The following CD72 variants were observed in gnomAD, a reference collection of about 807,000 sequenced individuals.
CD72 encodes the protein CD72 molecule.
CD72 carries 28 observed loss-of-function variants against 50.7 expected under a neutral mutation model. The observed-to-expected ratio is 0.55, with a 90% CI of 0.41 to 0.76. The LOEUF (loss-of-function observed/expected upper bound fraction) is 0.76. CD72 is among the 30% of genes least tolerant of loss of function. The pLI is 0.00. For missense variants in CD72, 403 were observed against 420.6 expected, an observed-to-expected ratio of 0.96 and a Z score of 0.37; for synonymous variants, 176 against 171.2, an observed-to-expected ratio of 1.03 and a Z score of -0.22.
chr9:35,621,501 T>A (rs1198161997), upstream of CD72, among the ~76,000 whole-genome samples: 1 of 152,248 alleles, frequency 6.6e-6, no homozygotes, highest in South Asian at 2.1e-4. Flanking sequence ...CCTAGTTTAC[T>A]GACAGGGTGT....
rs1414001477 is a variant in CD72, at chr9:35,612,923, AT to A, written c.758del (p.Asn253IlefsTer32). ...SCFYISLTSK[N>X]WQESQKQCET... is the part of the protein sequence containing the mutation. ...CACATTGTTTTTGGCTCTCCTGCCA[AT>A]TTTTTGAAGTAAGTGAGATGTAAAA... On this transcript the variant is annotated frameshift_variant, in exon 6 of 9. Transcript: ENST00000259633. LOFTEE classifies it high-confidence loss of function. 6.2e-7 allele frequency: 1 copy of A among 1,614,020 alleles called. No individual in the cohort carries two copies. Among genetic ancestry groups the A allele is most frequent in the Non-Finnish European group, 8.5e-7 (1 of 1,179,950 alleles).
In CD72 at chr9:35,610,662, A is replaced by G; in HGVS notation, c.1042T>C (p.Tyr348His). The G allele has an allele frequency of 1.2e-6, 2 of 1,613,938 alleles. No individual in the cohort carries two copies. Among genetic ancestry groups the G allele is most frequent in the African/African-American group, 2.7e-5 (2 of 75,058 alleles). ...CTGAAAGCTGTCATCTCACAGATGTAGGGAAGAGAACTTCTACATGACTCT... is the reference window on the plus strand; with the variant it reads ...CTGAAAGCTGTCATCTCACAGATGTGGGGAAGAGAACTTCTACATGACTCT... Reference protein sequence around the residue: ...ESESCRSSLPYICEMTAFRFP... With the variant: ...ESESCRSSLPHICEMTAFRFP... Residue 348 changes from tyrosine (Y) to histidine (H), a missense_variant, in exon 8 of 9, where the codon TAC (tyrosine) becomes CAC (histidine). Tyr to His is a moderately conservative substitution (Grantham distance 83). Coordinates refer to ENST00000259633, the MANE Select transcript of CD72 (RefSeq NM_001782.3).
chr9:35,630,036 C>CT (rs35481553), intron 1 of CD72, among the ~76,000 whole-genome samples: 60,124 of 128,566 alleles, frequency 0.47, 15,089 homozygotes, highest in African/African-American at 0.58. Flanking sequence ...AATTTCTTTT[C>CT]TTTTTTTTTT....
chr9:35,625,576 C>T (rs1823188643), intron 1 of CD72, among the ~76,000 whole-genome samples: 1 of 152,244 alleles, frequency 6.6e-6, no homozygotes, highest in South Asian at 2.1e-4. Context: ...CACTAAACAA[C>T]AGATTTTCAA....
chr9:35,610,915 A>G (rs4879913), intron 7 of CD72, among the ~76,000 whole-genome samples, 162 bp from the exon 8 acceptor site: 84,817 of 152,008 alleles, frequency 0.56, 23,861 homozygotes, highest in South Asian at 0.62. Context: ...ACTAAAACAG[A>G]CTTTAGAACC....
At chr9:35,645,464 C>T (rs555289568) in intron 1 of CD72, among the ~76,000 whole-genome samples, 1 of 151,994 alleles carries the variant, frequency 6.6e-6, no homozygotes, top group South Asian at 2.1e-4. Flanking sequence ...CACCTGTAGT[C>T]CCAGCTACTA....
intron 4 of CD72, 44 bp from the exon 5 acceptor site, chr9:35,616,322 C>A: frequency 2.0e-6 from 3 of 1,470,740 alleles, no homozygotes; most frequent in South Asian, 1.2e-5. Flanking sequence ...TCCAGCCCTG[C>A]CCTAGTGCCC....
intron 7 of CD72, 89 bp from the exon 8 acceptor site, chr9:35,610,842 T>C: frequency 1.9e-6 from 2 of 1,069,928 alleles, no homozygotes; most frequent in Non-Finnish European, 2.8e-6. Context: ...ACCTAAATCC[T>C]AACTCACCCT....
At chr9:35,633,189 G>A (rs538976336) in intron 1 of CD72, among the ~76,000 whole-genome samples, 16 of 149,996 alleles carry the variant, frequency 1.1e-4, no homozygotes, top group Admixed American at 2.7e-4. Flanking sequence ...TGATTCTCCC[G>A]CCTTGGCTTC....
In CD72 at chr9:35,618,336, C is replaced by G; in HGVS notation, c.-33G>C. 6.2e-7 allele frequency: 1 copy of G among 1,613,872 alleles called. No individual in the cohort carries two copies. The highest frequency in any genetic ancestry group is 8.5e-7 in the Non-Finnish European group (1 of 1,179,890). ...AGCAGCTCTGCCCCCACTCGTCTTC[C>G]CTGTCATCCACTGTCCTCCCTTGCC... On this transcript the variant is annotated 5_prime_UTR_variant, in exon 1 of 9. Transcript: ENST00000259633.
At chr9:35,617,956 A>G (rs1307466398) in intron 2 of CD72, 58 bp downstream of exon 2, 3 of 982,784 alleles carry the variant, frequency 3.1e-6, no homozygotes, top group Non-Finnish European at 5.0e-6. Flanking sequence ...AACATTGTGG[A>G]CTCCCCAGCT....
intron 7 of CD72, among the ~76,000 whole-genome samples, 167 bp from the exon 8 acceptor site, chr9:35,610,920 A>G (rs1822971146): frequency 6.6e-6 from 1 of 152,182 alleles, no homozygotes; most frequent in Non-Finnish European, 1.5e-5. Flanking sequence ...AACAGACTTT[A>G]GAACCAGCAG....
chr9:35,643,705 G>A (rs927727753), intron 1 of CD72, among the ~76,000 whole-genome samples: 2 of 152,162 alleles, frequency 1.3e-5, no homozygotes, highest in Non-Finnish European at 2.9e-5. Flanking sequence ...GGGCCGGGCT[G>A]GGTAACTCAC....
chr9:35,632,308 G>C (rs1041516619), intron 1 of CD72, among the ~76,000 whole-genome samples: 3 of 151,372 alleles, frequency 2.0e-5, no homozygotes, highest in Non-Finnish European at 4.4e-5. Flanking sequence ...CCGAGTAGCT[G>C]GGATTACAGG....
In CD72 at chr9:35,610,205, G is replaced by A. The variant is rs143862725; in HGVS notation, c.*118C>T. The A allele has an allele frequency of 3.8e-3, 744 of 195,974 alleles. 6 individuals carry two copies. Among genetic ancestry groups the A allele is most frequent in the African/African-American group, 0.016 (684 of 42,776 alleles). 12.1% of individuals were successfully genotyped at this position (195,974 alleles called of 1,614,324 possible). A position where few individuals can be genotyped will look rare whatever the true frequency, so the allele number is the denominator to read the frequency against. ...TGGAAGTGTCAGGTGTGGGTCAGCCGGTGGCTGGGCACTGCCCAGAATGAA... is the reference window on the plus strand; with the variant it reads ...TGGAAGTGTCAGGTGTGGGTCAGCCAGTGGCTGGGCACTGCCCAGAATGAA... On this transcript the variant is annotated 3_prime_UTR_variant, in exon 9 of 9. Coordinates refer to ENST00000259633, the MANE Select transcript of CD72 (RefSeq NM_001782.3).
At chr9:35,625,322 A>T (rs1050691109) in intron 1 of CD72, among the ~76,000 whole-genome samples, 6 of 152,232 alleles carry the variant, frequency 3.9e-5, no homozygotes, top group African/African-American at 7.2e-5. Context: ...ACCAGCTACA[A>T]CATTCTCTTA....
At chr9:35,640,913 C>G (rs1823334152) in intron 1 of CD72, among the ~76,000 whole-genome samples, 1 of 152,208 alleles carries the variant, frequency 6.6e-6, no homozygotes. Context: ...ATTTCTTTAC[C>G]TCCTGTTTTT....
upstream of CD72, among the ~76,000 whole-genome samples, chr9:35,622,907 G>C (rs1397664210): frequency 6.6e-6 from 1 of 152,146 alleles, no homozygotes; most frequent in African/African-American, 2.4e-5. Context: ...AGGAATTCGA[G>C]ACCAGACTGG....
In CD72 at chr9:35,618,205, G is replaced by T. The variant is rs1335916550; in HGVS notation, c.82+17C>A. Reference sequence around the variant, plus strand: ...AAGTGGGGATGCAGGATCAAGGGGAGGCCTCATCCCCCTTACCCTGTCCTA... The same window carrying T: ...AAGTGGGGATGCAGGATCAAGGGGATGCCTCATCCCCCTTACCCTGTCCTA... On this transcript the variant is annotated intron_variant, in intron 1 of 8. Coordinates refer to ENST00000259633, the MANE Select transcript of CD72 (RefSeq NM_001782.3). The T allele has an allele frequency of 1.9e-6, 3 of 1,609,002 alleles. No homozygotes were observed. The highest frequency in any genetic ancestry group is 2.6e-6 in the Non-Finnish European group (3 of 1,175,418).
Sources: allele counts gnomAD v4.1 joint callset (sites outside exome capture counted in the v4.1 genomes callset), GRCh38; gene constraint gnomAD v4.1.1; transcripts MANE v1.5; gene names NCBI Gene and HGNC (gene_info 2026-07-23, HGNC 2026-07-21).